Variants in POLE2 observed in about 807,000 individuals in gnomAD.
POLE2 encodes the protein DNA polymerase epsilon subunit 2.
In POLE2, 56 loss-of-function variants were observed where a neutral mutation model predicts 79.4. The ratio of observed to expected loss-of-function variants is 0.71; its 90% CI spans 0.57 to 0.88. The LOEUF is 0.88. POLE2 is among the 40% of genes least tolerant of loss of function. POLE2 has a pLI of 0.00. For missense variants in POLE2, 598 were observed against 638.9 expected, an observed-to-expected ratio of 0.94 and a Z score of 0.69; for synonymous variants, 212 against 214.0, an observed-to-expected ratio of 0.99 and a Z score of 0.08.
chr14:49,651,784 A>T lies in POLE2; in HGVS notation c.1212-407T>A, dbSNP rs141480557. Among the ~76,000 whole-genome samples the T allele has an allele frequency of 6.6e-4, 100 of 152,350 alleles. 3 individuals are homozygous for T. The East Asian group carries it at 9.1e-3, about 14-fold the overall frequency. ...GGCATATTAATAGGATGATCAGAAC[A>T]GGCCGGGCTCATAATTTAGTGTGAC... On this transcript the variant is annotated intron_variant, in intron 15 of 18. Transcript: ENST00000216367.
chr14:49,681,154 CTCAGGGTGCTATAAATA>C (rs1886674908), intron 2 of POLE2: 1 of 152,660 alleles, frequency 6.6e-6, no homozygotes, highest in Non-Finnish European at 1.5e-5. Context: ...CACTTCTATC[CTCAGGGTGCTATAAATA>C]TCAGACTTTT....
intron 1 of POLE2, chr14:49,684,504 A>G (rs138390851): frequency 3.3e-5 from 5 of 151,984 alleles, no homozygotes; most frequent in African/African-American, 1.2e-4. Context: ...ACATTTGAAT[A>G]TAATCATAGA....
At chr14:49,647,867 T>C (rs189121474) in intron 17 of POLE2, among the ~76,000 whole-genome samples, 1 of 152,370 alleles carries the variant, frequency 6.6e-6, no homozygotes, top group East Asian at 1.9e-4. Context: ...ACACGATCTT[T>C]TTACAGAGTT....
chr14:49,671,099 AGAT>A (rs1885854787), intron 5 of POLE2, among the ~76,000 whole-genome samples: 1 of 152,252 alleles, frequency 6.6e-6, no homozygotes, highest in Non-Finnish European at 1.5e-5. Context: ...TTTATTTCAC[AGAT>A]GAATAAACGA....
chr14:49,684,921 G>C (rs1372938254), intron 1 of POLE2, among the ~76,000 whole-genome samples: 1 of 151,670 alleles, frequency 6.6e-6, no homozygotes, highest in Admixed American at 6.6e-5. Flanking sequence ...AGCTTGCAGT[G>C]AGCGGAGATC....
At chr14:49,679,440 T>A in intron 3 of POLE2, 1 of 303,804 alleles carries the variant, frequency 3.3e-6, no homozygotes. Context: ...AACTCATTTG[T>A]AGCATACAGA....
chr14:49,654,763 T>C (rs780380248), intron 13 of POLE2, 21 bp downstream of exon 13: 3 of 1,468,096 alleles, frequency 2.0e-6, no homozygotes, highest in Non-Finnish European at 2.7e-6. Flanking sequence ...TGAAAAAATA[T>C]ATAGTGCTAG....
Position 49,651,307 on chromosome 14 carries a change from C to T in POLE2, c.1282G>A (p.Val428Ile), listed in dbSNP as rs775358191. 2.5e-5 allele frequency: 40 copies of T among 1,604,106 alleles called. No homozygotes were observed. The highest frequency in any genetic ancestry group is 9.9e-5 in the South Asian group (9 of 90,614). Residue 428 changes from valine to isoleucine, a missense_variant, in exon 16 of 19, where the codon GTC (valine) becomes ATC (isoleucine). By Grantham distance (29) the Val-to-Ile change is conservative. Coordinates refer to ENST00000216367, the MANE Select transcript of POLE2 (RefSeq NM_002692.4). ...DLVNKMCRNC[V>I]RFPSSNLAIP... The stretch of plus-strand genomic sequence containing the variant: ...GCCAAATTGCTGCTAGGAAAACGGA[C>T]GCAGTTTCTGCACATTTTATTTACT...
intron 5 of POLE2, among the ~76,000 whole-genome samples, chr14:49,672,329 C>G (rs1322272078): frequency 6.6e-6 from 1 of 152,176 alleles, no homozygotes; most frequent in Non-Finnish European, 1.5e-5. Context: ...GCAGATTAAC[C>G]TAGCAACACT....
rs1436708050 is a variant in POLE2 at position 49,681,847 on chromosome 14, A to G, written c.169+1746T>C. The stretch of plus-strand genomic sequence containing the variant: ...GCTCTCACCAAAAAAAAAAAAAAAA[A>G]AGGGAGAGGAGGGAAGCAGTGTGTA... On this transcript the variant is annotated intron_variant, in intron 2 of 18. Coordinates refer to ENST00000216367, the MANE Select transcript of POLE2 (RefSeq NM_002692.4). 9 of 152,078 alleles carry G rather than the reference A, an allele frequency of 5.9e-5. No individual in the cohort carries two copies. The East Asian group carries it at 1.4e-3, about 23-fold the overall frequency. The allele number at this position is 152,078 out of a possible 1,614,324, so 9.4% of individuals were successfully genotyped here.
intron 10 of POLE2, among the ~76,000 whole-genome samples, chr14:49,658,169 C>T (rs970903963): frequency 2.0e-5 from 3 of 151,946 alleles, no homozygotes; most frequent in Non-Finnish European, 2.9e-5. Context: ...CTCTGCCTCC[C>T]GGGTTCATGC....
At chr14:49,654,329 C>T in intron 13 of POLE2, 115 bp from the exon 14 acceptor site, 1 of 733,072 alleles carries the variant, frequency 1.4e-6, no homozygotes, top group Non-Finnish European at 2.3e-6. Flanking sequence ...ATTTAAATTT[C>T]ATGCATTATA....
chr14:49,670,591 G>A (rs946073353), intron 5 of POLE2, among the ~76,000 whole-genome samples: 6 of 152,206 alleles, frequency 3.9e-5, no homozygotes, highest in African/African-American at 1.4e-4. Context: ...CCTTTGGCCA[G>A]TGATTGGTTC....
chr14:49,643,696 AT>A lies in POLE2; in HGVS notation c.1566-27del, dbSNP rs749908987. ...CTGAAAATAGAAAAAAAAATTAAAT[AT>A]TTGGAAACCTAAGTTGTATACTTAC... On this transcript the variant is annotated intron_variant, in intron 18 of 18. Transcript: ENST00000216367. 9.1e-5 allele frequency: 111 copies of A among 1,223,932 alleles called. 2 individuals are homozygous for A. The East Asian group carries it at 2.6e-3, about 29-fold the overall frequency. The allele number at this position is 1,223,932 out of a possible 1,614,324, so 75.8% of individuals were successfully genotyped here.
intron 15 of POLE2, among the ~76,000 whole-genome samples, chr14:49,651,855 C>T (rs1022037840): frequency 2.0e-5 from 3 of 151,902 alleles, no homozygotes; most frequent in Non-Finnish European, 4.4e-5. Context: ...CAAGCAGATA[C>T]CCAGAGGAAG....
At chr14:49,654,652 T>C in intron 13 of POLE2, 132 bp downstream of exon 13, 1 of 1,060,864 alleles carries the variant, frequency 9.4e-7, no homozygotes, top group Non-Finnish European at 1.3e-6. Flanking sequence ...ACTTTATCTC[T>C]TAGTTCTTTT....
Position 49,674,122 on chromosome 14 carries a change from C to A in POLE2, c.417+1G>T. 3 of 1,589,710 alleles carry A rather than the reference C, an allele frequency of 1.9e-6. No homozygotes were observed. The highest frequency in any genetic ancestry group is 2.6e-6 in the Non-Finnish European group (3 of 1,157,868). Reference sequence around the variant, plus strand: ...TCCCCTCCGCCCCCTACCAAACTTACCTGGTGCAAAATGGTATATCGCTCA... The same window carrying A: ...TCCCCTCCGCCCCCTACCAAACTTAACTGGTGCAAAATGGTATATCGCTCA... On this transcript the variant is annotated splice_donor_variant, in intron 5 of 18. Transcript: ENST00000216367. LOFTEE classifies it high-confidence loss of function.
intron 10 of POLE2, among the ~76,000 whole-genome samples, chr14:49,657,127 A>T (rs1884743745): frequency 6.6e-6 from 1 of 151,896 alleles, no homozygotes; most frequent in African/African-American, 2.4e-5. Flanking sequence ...AAAAAAAAAA[A>T]AATTGTAGTC....
rs767957581 is a variant in POLE2 at position 49,688,124 on chromosome 14, G to C, written c.68+12C>G. 176 of 1,549,262 alleles carry C rather than the reference G, an allele frequency of 1.1e-4. No homozygotes were observed. The highest frequency in any genetic ancestry group is 1.4e-4 in the Non-Finnish European group (166 of 1,146,324). ...TTCCCTCTCGCCCTTCAAGCTGCCC[G>C]AGCCCACTCACCCACGGAGCAGCAA... On this transcript the variant is annotated intron_variant, in intron 1 of 18. Transcript: ENST00000216367.
Sources: gnomAD v4.1 joint callset for allele counts (sites outside exome capture counted in the v4.1 genomes callset) on GRCh38, gnomAD v4.1.1 for gene constraint, MANE v1.5 for transcripts, NCBI Gene and HGNC (gene_info 2026-07-23, HGNC 2026-07-21) for gene names.